KCNIP4: variants seen among roughly 807,000 people sequenced by gnomAD.
The protein encoded by KCNIP4 is potassium voltage-gated channel interacting protein 4.
Under a neutral mutation model 34.0 loss-of-function variants are expected in KCNIP4, and 12 were observed. The ratio of observed to expected loss-of-function variants is 0.35; its 90% CI spans 0.23 to 0.57. KCNIP4 has a LOEUF of 0.57. KCNIP4 is among the 20% of genes least tolerant of loss of function. The pLI, the probability that KCNIP4 is intolerant of heterozygous loss-of-function variation, is 0.83. For missense variants in KCNIP4, 238 were observed against 311.7 expected (o/e 0.76, Z 1.78); for synonymous variants, 124 against 102.2 (o/e 1.21, Z -1.29).
chr4:20,973,870 G>T (rs1302221937), intron 1 of KCNIP4, among the ~76,000 whole-genome samples: 1 of 152,134 alleles, frequency 6.6e-6, no homozygotes, highest in Non-Finnish European at 1.5e-5. Flanking sequence ...AATCTTACAT[G>T]GATGTAGTTC....
chr4:20,738,776 G>A (rs767409266), intron 5 of KCNIP4, among the ~76,000 whole-genome samples: 34 of 152,244 alleles, frequency 2.2e-4, no homozygotes, highest in African/African-American at 3.9e-4. Flanking sequence ...AGTGTGAGCC[G>A]AAGCAGGGTG....
intron 1 of KCNIP4, among the ~76,000 whole-genome samples, chr4:21,074,098 C>A (rs1484018644): frequency 6.6e-6 from 1 of 152,024 alleles, no homozygotes; most frequent in African/African-American, 2.4e-5. Flanking sequence ...CTAAAATTCT[C>A]TTTTTTTGTT....
intron 6 of KCNIP4, among the ~76,000 whole-genome samples, 165 bp from the exon 7 acceptor site, chr4:20,732,950 A>G (rs1748698529): frequency 6.6e-6 from 1 of 152,230 alleles, no homozygotes; most frequent in East Asian, 1.9e-4. Flanking sequence ...GGCAACAAAC[A>G]GCTTTCTGCC....
chr4:20,987,246 A>T (rs146416111), intron 1 of KCNIP4, among the ~76,000 whole-genome samples: 340 of 152,310 alleles, frequency 2.2e-3, no homozygotes, highest in African/African-American at 7.8e-3. Context: ...TTAAAAATTT[A>T]AAAAAGTAAC....
chr4:21,825,398 T>C (rs186572047), intron 1 of KCNIP4, among the ~76,000 whole-genome samples: 1 of 152,286 alleles, frequency 6.6e-6, no homozygotes, highest in East Asian at 1.9e-4. Context: ...TCACACATCA[T>C]TTTTATTCCC....
intron 1 of KCNIP4, among the ~76,000 whole-genome samples, chr4:21,041,166 T>C (rs954287002): frequency 6.6e-6 from 1 of 151,632 alleles, no homozygotes; most frequent in African/African-American, 2.4e-5. Flanking sequence ...GGCTTTCAGA[T>C]GACATATATG....
intron 1 of KCNIP4, among the ~76,000 whole-genome samples, chr4:20,908,753 G>T (rs931998851): frequency 2.0e-5 from 3 of 152,162 alleles, no homozygotes; most frequent in Non-Finnish European, 4.4e-5. Context: ...ATATAGAGTT[G>T]CATGGCTTGG....
intron 1 of KCNIP4, among the ~76,000 whole-genome samples, chr4:21,586,061 C>CTG (rs1741585551): frequency 6.6e-6 from 1 of 152,038 alleles, no homozygotes; most frequent in South Asian, 2.1e-4. Context: ...CTCACTCACA[C>CTG]TGTGTGATTT....
At chr4:21,559,505 C>G (rs1560516257) in intron 1 of KCNIP4, among the ~76,000 whole-genome samples, 1 of 152,060 alleles carries the variant, frequency 6.6e-6, no homozygotes, top group Non-Finnish European at 1.5e-5. Flanking sequence ...GCATCTGTCC[C>G]TTAAGGAGTT....
rs1482600301 is a variant in KCNIP4, at chr4:21,330,463, C to G, written c.62-447754G>C. 3.3e-5 allele frequency among the ~76,000 whole-genome samples: 5 copies of G among 152,192 alleles called. No individual in the cohort carries two copies. In the South Asian group the frequency reaches 8.3e-4, roughly 25 times the overall value. ...TTACAGAATTCTGATTATATGAATTCCATGAATTAAACGTTGCACCATCCA... is the reference window on the plus strand; with the variant it reads ...TTACAGAATTCTGATTATATGAATTGCATGAATTAAACGTTGCACCATCCA... On this transcript the variant is annotated intron_variant, in intron 1 of 8. Coordinates refer to ENST00000382152, the MANE Select transcript of KCNIP4 (RefSeq NM_025221.6).
At chr4:21,291,869 AAGAAAGAAAG>A (rs1453571855) in intron 1 of KCNIP4, among the ~76,000 whole-genome samples, 7 of 11,770 alleles carry the variant, frequency 5.9e-4, no homozygotes, top group Non-Finnish European at 1.1e-3. Context: ...AAAAAAAAAA[AAGAAAGAAAG>A]AAAGAAAGAA....
chr4:21,391,017 G>A (rs1204158877), intron 1 of KCNIP4, among the ~76,000 whole-genome samples: 1 of 152,122 alleles, frequency 6.6e-6, no homozygotes, highest in African/African-American at 2.4e-5. Context: ...TAGTGTGTGT[G>A]AAGTGGTATG....
intron 1 of KCNIP4, among the ~76,000 whole-genome samples, chr4:20,916,596 A>G (rs1728835779): frequency 6.6e-6 from 1 of 152,098 alleles, no homozygotes; most frequent in East Asian, 1.9e-4. Context: ...AAAAATCAGA[A>G]ATAATAATAC....
intron 3 of KCNIP4, among the ~76,000 whole-genome samples, chr4:20,828,006 GA>G (rs1717969072): frequency 6.6e-6 from 1 of 152,078 alleles, no homozygotes; most frequent in African/African-American, 2.4e-5. Flanking sequence ...GACCACTGTG[GA>G]TATCTATTTT....
chr4:21,946,699 T>G (rs1730530526), intron 1 of KCNIP4, among the ~76,000 whole-genome samples: 1 of 152,166 alleles, frequency 6.6e-6, no homozygotes, highest in African/African-American at 2.4e-5. Flanking sequence ...GACAACTAAC[T>G]AAAAATTTGT....
chr4:21,898,148 G>C (rs1560796354), intron 1 of KCNIP4, among the ~76,000 whole-genome samples: 1 of 152,122 alleles, frequency 6.6e-6, no homozygotes, highest in East Asian at 1.9e-4. Flanking sequence ...TGCAAGCCTT[G>C]CCACCATGAG....
intron 1 of KCNIP4, among the ~76,000 whole-genome samples, chr4:21,391,542 C>A (rs1005262684): frequency 6.6e-6 from 1 of 152,118 alleles, no homozygotes; most frequent in East Asian, 1.9e-4. Context: ...GCTCCCCTAA[C>A]GTGGAGAATA....
chr4:21,869,632 A>T (rs910837552), intron 1 of KCNIP4, among the ~76,000 whole-genome samples: 53 of 151,854 alleles, frequency 3.5e-4, no homozygotes, highest in African/African-American at 1.2e-3. Flanking sequence ...GTTCTCTCTT[A>T]TGTTTTCACT....
At chr4:21,036,460 G>T (rs1039874535) in intron 1 of KCNIP4, among the ~76,000 whole-genome samples, 2 of 152,174 alleles carry the variant, frequency 1.3e-5, no homozygotes, top group Non-Finnish European at 2.9e-5. Context: ...TTACACAAAA[G>T]ACATCATTTG....
Sources: gnomAD v4.1 joint callset for allele counts (sites outside exome capture counted in the v4.1 genomes callset) on GRCh38, gnomAD v4.1.1 for gene constraint, MANE v1.5 for transcripts, NCBI Gene and HGNC (gene_info 2026-07-23, HGNC 2026-07-21) for gene names.